Variants in TRIM62 observed in about 807,000 individuals in gnomAD.
TRIM62 encodes the protein tripartite motif containing 62, also known as E3 ubiquitin-protein ligase TRIM62.
A neutral mutation model predicts 44.2 loss-of-function variants in TRIM62; 39 were observed. That is an observed-to-expected ratio of 0.88 (90% confidence interval 0.68 to 1.15). The LOEUF (loss-of-function observed/expected upper bound fraction) is 1.15, where lower values mean the gene tolerates loss of function less well. Ranked by LOEUF, TRIM62 falls within the 50% of genes most tolerant of loss-of-function variation. TRIM62 has a pLI of 0.00. For missense variants in TRIM62, 544 were observed against 665.5 expected, an observed-to-expected ratio of 0.82 and a Z score of 2.01; for synonymous variants, 278 against 292.3, an observed-to-expected ratio of 0.95 and a Z score of 0.50.
Position 33,167,740 on chromosome 1 carries a change from C to T in TRIM62, c.409-2174G>A, listed in dbSNP as rs1208628112. ...CTCCCACTCATTCAGCTTGTCAGAC[C>T]AGGGAGGGCCTTGGTAAATGTCTAG... On this transcript the variant is annotated intron_variant, in intron 1 of 4. Coordinates refer to ENST00000291416, the MANE Select transcript of TRIM62 (RefSeq NM_018207.3). The surrounding 1 kb of genome is among the most constrained non-coding windows in gnomAD (Gnocchi z 4.2). 6.6e-6 allele frequency among the ~76,000 whole-genome samples: 1 copy of T among 152,294 alleles called. No homozygotes were observed. Among genetic ancestry groups the T allele is most frequent in the African/African-American group, 2.4e-5 (1 of 41,550 alleles).
chr1:33,179,756 A>G (rs924766264), intron 1 of TRIM62, among the ~76,000 whole-genome samples: 1 of 152,186 alleles, frequency 6.6e-6, no homozygotes, highest in Non-Finnish European at 1.5e-5. Context: ...AGCCAGGTAC[A>G]TGGGGCTGCT....
Position 33,159,688 on chromosome 1 carries a change from C to T in TRIM62, c.761G>A (p.Arg254Gln), listed in dbSNP as rs369676506. The change falls in exon 3 of 5, where the codon CGG (arginine) becomes CAG (glutamine). Residue 254 changes from arginine (R) to glutamine (Q), a missense_variant and splice_region_variant. Transcript: ENST00000291416. The surrounding 1 kb of genome is among the most constrained non-coding windows in gnomAD (Gnocchi z 4.2). ...FLAGVASLSERLKGKIHETNL... is the reference protein window; with the variant it reads ...FLAGVASLSEQLKGKIHETNL... ...GAGGGCCCCGGCGGGTGGCACTTAC[C>T]GCTCGGACAGTGAGGCCACCCCAGC... 130 of 1,605,320 alleles carry T rather than the reference C, an allele frequency of 8.1e-5. No individual in the cohort carries two copies. Among genetic ancestry groups the T allele is most frequent in the Non-Finnish European group, 1.0e-4 (119 of 1,177,656 alleles).
rs751042777 is a variant in TRIM62, at chr1:33,147,733, G to A, written c.878-6C>T. On this transcript the variant is annotated splice_polypyrimidine_tract_variant and splice_region_variant and intron_variant, in intron 4 of 4. Transcript: ENST00000291416. This position sits in a 1 kb window ranked among gnomAD's most constrained non-coding sequence, Gnocchi z 8.1. Reference sequence around the variant, plus strand: ...CAGGGTTAGGGCGGCTGGCACTGTGGGGGTTGGAGGAGGGAGAGAAGATGA... The same window carrying A: ...CAGGGTTAGGGCGGCTGGCACTGTGAGGGTTGGAGGAGGGAGAGAAGATGA... 1.9e-6 allele frequency: 3 copies of A among 1,605,474 alleles called. No homozygotes were observed. In the African/African-American group the frequency reaches 4.0e-5, roughly 21 times the overall value.
intron 4 of TRIM62, among the ~76,000 whole-genome samples, chr1:33,154,538 G>A (rs760074363): frequency 3.3e-5 from 5 of 151,996 alleles, no homozygotes; most frequent in Admixed American, 6.6e-5. Context: ...GGTGGCTCAC[G>A]CCTGTAATCC....
rs1645386430 is a variant in TRIM62, at chr1:33,173,041, C to T, written c.409-7475G>A. 2.0e-5 allele frequency among the ~76,000 whole-genome samples: 3 copies of T among 152,212 alleles called. 1 individual carries two copies. The South Asian group carries it at 6.2e-4, about 32-fold the overall frequency. On this transcript the variant is annotated intron_variant, in intron 1 of 4. Coordinates refer to ENST00000291416, the MANE Select transcript of TRIM62 (RefSeq NM_018207.3). ...TGGGTACTGCTCTCTCTTTCCCTCT[C>T]TGACCCAAGGATGCCAGAAACCTGA...
intron 1 of TRIM62, among the ~76,000 whole-genome samples, chr1:33,175,001 G>GTATTTATATGTATATGTA (rs56292337): frequency 0.18 from 24,102 of 135,434 alleles, 2,772 homozygotes; most frequent in Admixed American, 0.26. Context: ...ACACACACAT[G>GTATTTATATGTATATGTA]TATGTATATG....
At position 33,159,466 on chromosome 1, in the gene TRIM62, C is replaced by G. The variant is rs551761015; in HGVS notation, c.761+222G>C. On this transcript the variant is annotated intron_variant, in intron 3 of 4. Coordinates refer to ENST00000291416, the MANE Select transcript of TRIM62 (RefSeq NM_018207.3). This position sits in a 1 kb window ranked among gnomAD's most constrained non-coding sequence, Gnocchi z 4.2. ...GGCTGCCCTCTAGATGGTTTTCAAA[C>G]TGTGTTCCTCACCATTGCTGCTGCT... 6.6e-6 allele frequency among the ~76,000 whole-genome samples: 1 copy of G among 152,328 alleles called. No homozygotes were observed. The highest frequency in any genetic ancestry group is 2.1e-4 in the South Asian group (1 of 4,826).
intron 1 of TRIM62, among the ~76,000 whole-genome samples, chr1:33,168,776 G>A (rs1645350457): frequency 6.6e-6 from 1 of 151,702 alleles, no homozygotes; most frequent in Non-Finnish European, 1.5e-5. Context: ...TCCAGCCTGG[G>A]ACACAGTGTG....
At position 33,181,346 on chromosome 1, in the gene TRIM62, G is replaced by C. The variant is rs755115565; in HGVS notation, c.87C>G (p.Tyr29Ter). The change falls in exon 1 of 5, where the codon TAC (tyrosine) becomes TAG (stop). Residue 29 changes from tyrosine (Y) to a stop codon, truncating the protein, a stop_gained. Transcript: ENST00000291416. LOFTEE classifies it high-confidence loss of function. The surrounding 1 kb of genome is among the most constrained non-coding windows in gnomAD (Gnocchi z 6.5). Reference protein sequence around the residue: ...QDPVSLGCEHYFCRRCITEHW... With the variant: ...QDPVSLGCEH ...GCTCCGTGATGCAGCGGCGGCAGAAGTAATGCTCGCAGCCCAGGCTCACCG... is the reference window on the plus strand; with the variant it reads ...GCTCCGTGATGCAGCGGCGGCAGAACTAATGCTCGCAGCCCAGGCTCACCG... 58 of 1,587,764 alleles carry C rather than the reference G, an allele frequency of 3.7e-5. No homozygotes were observed. The Admixed American group carries it at 8.2e-4, about 22-fold the overall frequency.
In TRIM62 at chr1:33,177,078, CATGCATGCACAA is replaced by C. The variant is rs1359108919; in HGVS notation, c.408+3935_408+3946del. Among the ~76,000 whole-genome samples, 1 of 145,492 alleles carries C rather than the reference CATGCATGCACAA, an allele frequency of 6.9e-6. No homozygotes were observed. The highest frequency in any genetic ancestry group is 1.5e-5 in the Non-Finnish European group (1 of 66,696). ...ACACACACACACATGCACACACACA[CATGCATGCACAA>C]ATGCACACACATGCACACACACATG... On this transcript the variant is annotated intron_variant, in intron 1 of 4. Transcript: ENST00000291416. The surrounding 1 kb of genome is among the most constrained non-coding windows in gnomAD (Gnocchi z 4.1).
Position 33,145,847 on chromosome 1 carries a change from C to T in TRIM62, c.*1330G>A, listed in dbSNP as rs1219353101. 4 of 471,062 alleles carry T rather than the reference C, an allele frequency of 8.5e-6. No individual in the cohort carries two copies. The highest frequency in any genetic ancestry group is 3.2e-4 in the Middle Eastern group (1 of 3,078). The allele number at this position is 471,062 out of a possible 1,614,324, so 29.2% of individuals were successfully genotyped here. The stretch of plus-strand genomic sequence containing the variant: ...CGCAGGTGGGGCTTGCTCCACCCAC[C>T]CTAACTTCCTTCTAGGGAAATGACA... On this transcript the variant is annotated 3_prime_UTR_variant, in exon 5 of 5. Coordinates refer to ENST00000291416, the MANE Select transcript of TRIM62 (RefSeq NM_018207.3).
intron 1 of TRIM62, among the ~76,000 whole-genome samples, chr1:33,179,836 A>G (rs1345419987): frequency 6.6e-6 from 1 of 152,232 alleles, no homozygotes; most frequent in African/African-American, 2.4e-5. Flanking sequence ...TTTATTAAAC[A>G]CAGTAAAATA....
At chr1:33,175,448 A>G (rs1463800029) in intron 1 of TRIM62, among the ~76,000 whole-genome samples, 1 of 152,186 alleles carries the variant, frequency 6.6e-6, no homozygotes, top group East Asian at 1.9e-4. Flanking sequence ...GGTAAATGGT[A>G]CTGGGAAAAC....
At position 33,158,365 on chromosome 1, in the gene TRIM62, G is replaced by A; in HGVS notation, c.765C>T (p.Leu255=). The part of the protein sequence containing the change: ...LAGVASLSER[L]KGKIHETNLT... ...GGTTGGTCTCATGGATTTTTCCCTTGAGCCTGGAAGGAGAGCAGGAAAGGG... is the reference window on the plus strand; with the variant it reads ...GGTTGGTCTCATGGATTTTTCCCTTAAGCCTGGAAGGAGAGCAGGAAAGGG... Residue 255 remains leucine, a synonymous_variant, in exon 4 of 5, where the codon CTC becomes CTT. Coordinates refer to ENST00000291416, the MANE Select transcript of TRIM62 (RefSeq NM_018207.3). The A allele has an allele frequency of 1.2e-6, 2 of 1,613,404 alleles. No individual in the cohort carries two copies. Among genetic ancestry groups the A allele is most frequent in the Non-Finnish European group, 1.7e-6 (2 of 1,179,482 alleles).
chr1:33,171,823 C>T (rs1435517993), intron 1 of TRIM62, among the ~76,000 whole-genome samples: 1 of 152,108 alleles, frequency 6.6e-6, no homozygotes, highest in Non-Finnish European at 1.5e-5. Flanking sequence ...GCTCTGTAAC[C>T]CAGTCTGGGG....
chr1:33,153,481 A>G (rs1645131732), intron 4 of TRIM62, among the ~76,000 whole-genome samples: 1 of 152,214 alleles, frequency 6.6e-6, no homozygotes, highest in Non-Finnish European at 1.5e-5. Flanking sequence ...TGGGGTGGCT[A>G]CTGGCTACTG....
intron 4 of TRIM62, among the ~76,000 whole-genome samples, chr1:33,157,833 T>G (rs564556240): frequency 1.3e-5 from 2 of 152,180 alleles, no homozygotes; most frequent in African/African-American, 4.8e-5. Context: ...CTCAGCTCAC[T>G]GCAACCTCTG....
intron 4 of TRIM62, among the ~76,000 whole-genome samples, chr1:33,150,016 G>A (rs1280395197): frequency 6.6e-6 from 1 of 152,172 alleles, no homozygotes; most frequent in Non-Finnish European, 1.5e-5. Context: ...TGGCCACACC[G>A]GCTTAGCAGG....
At chr1:33,152,334 G>A (rs529444345) in intron 4 of TRIM62, among the ~76,000 whole-genome samples, 1 of 152,202 alleles carries the variant, frequency 6.6e-6, no homozygotes, top group Non-Finnish European at 1.5e-5. Flanking sequence ...GGGAGGCCGA[G>A]GCAGGCGGAT....
Sources: gnomAD v4.1 joint callset for allele counts (sites outside exome capture counted in the v4.1 genomes callset) on GRCh38, gnomAD v4.1.1 for gene constraint, Gnocchi (gnomAD v3.1) non-coding constraint, MANE v1.5 for transcripts, NCBI Gene and HGNC (gene_info 2026-07-23, HGNC 2026-07-21) for gene names.